The following OOSP3 variants were observed in gnomAD, a reference collection of about 807,000 sequenced individuals.
The protein encoded by OOSP3 is oocyte-secreted protein 3.
At chr11:59,886,429 ATG>A (rs1439419199) in intron 2 of OOSP3, among the ~76,000 whole-genome samples, 7 of 152,202 alleles carry the variant, frequency 4.6e-5, no homozygotes, top group Admixed American at 3.3e-4. Flanking sequence ...GTTTGATCAA[ATG>A]CATGTATCCT....
intron 4 of OOSP3, among the ~76,000 whole-genome samples, chr11:59,895,858 C>T (rs974735600): frequency 6.6e-6 from 1 of 152,152 alleles, no homozygotes; most frequent in African/African-American, 2.4e-5. Flanking sequence ...CTGGTCTTGT[C>T]AATAAGTCTC....
At chr11:59,895,890 A>T (rs1853352744) in intron 4 of OOSP3, among the ~76,000 whole-genome samples, 1 of 152,210 alleles carries the variant, frequency 6.6e-6, no homozygotes, top group Non-Finnish European at 1.5e-5. Context: ...GTTATGACAA[A>T]TAAAAGAAAA....
chr11:59,888,301 T>G (rs1272694516), intron 2 of OOSP3, among the ~76,000 whole-genome samples: 2 of 152,310 alleles, frequency 1.3e-5, no homozygotes, highest in East Asian at 3.9e-4. Context: ...TTTCTTTCTT[T>G]TGCCTGATTG....
At position 59,889,032 on chromosome 11, in the gene OOSP3, G is replaced by A. The variant is rs116624305; in HGVS notation, c.253-5047G>A. ...TCAACTTCCTGGTTCAGTCTTGGGA[G>A]AGTGTACGTGTCCTGGAGTTTATCC... On this transcript the variant is annotated intron_variant, in intron 2 of 4. Transcript: ENST00000646438. Among the ~76,000 whole-genome samples, 1,163 of 152,248 alleles carry A rather than the reference G, an allele frequency of 7.6e-3. 18 individuals are homozygous for A. Among genetic ancestry groups the A allele is most frequent in the African/African-American group, 0.026 (1,094 of 41,554 alleles).
At chr11:59,888,180 A>G (rs1371728458) in intron 2 of OOSP3, among the ~76,000 whole-genome samples, 1 of 152,186 alleles carries the variant, frequency 6.6e-6, no homozygotes. Context: ...GAAGTTGTTT[A>G]TCAGCTTAAG....
intron 1 of OOSP3, among the ~76,000 whole-genome samples, chr11:59,879,348 A>C (rs973932898): frequency 3.9e-5 from 6 of 152,168 alleles, no homozygotes; most frequent in African/African-American, 1.4e-4. Flanking sequence ...TCCCTAAGTC[A>C]TAAAGTTGTT....
intron 2 of OOSP3, among the ~76,000 whole-genome samples, chr11:59,891,526 T>C (rs962209944): frequency 3.3e-5 from 5 of 152,234 alleles, no homozygotes; most frequent in Admixed American, 2.6e-4. Context: ...AGAACCCGCT[T>C]CTGCAAGCCT....
intron 2 of OOSP3, among the ~76,000 whole-genome samples, chr11:59,884,752 C>A (rs1441418820): frequency 6.6e-6 from 1 of 152,194 alleles, no homozygotes; most frequent in Admixed American, 6.5e-5. Flanking sequence ...GATCTGCCCA[C>A]CTTGGCCTCC....
intron 2 of OOSP3, among the ~76,000 whole-genome samples, chr11:59,883,404 C>T (rs141542513): frequency 6.6e-6 from 1 of 152,272 alleles, no homozygotes; most frequent in Admixed American, 6.5e-5. Flanking sequence ...ATTTTTGCTT[C>T]AGCCCTAGTT....
At chr11:59,895,329 T>C (rs1433245199) in intron 3 of OOSP3, among the ~76,000 whole-genome samples, 173 bp from the exon 4 acceptor site, 4 of 151,068 alleles carry the variant, frequency 2.6e-5, no homozygotes, top group Non-Finnish European at 5.9e-5. Context: ...TGGAGGTTTG[T>C]TAATCCTTAA....
intron 2 of OOSP3, among the ~76,000 whole-genome samples, chr11:59,886,952 G>A (rs745553477): frequency 2.0e-5 from 3 of 151,792 alleles, no homozygotes; most frequent in Non-Finnish European, 4.4e-5. Flanking sequence ...CACCATGCCC[G>A]GCTAATTTTT....
intron 2 of OOSP3, among the ~76,000 whole-genome samples, chr11:59,886,791 C>CT (rs562190268): frequency 0.037 from 5,096 of 139,284 alleles, 144 homozygotes; most frequent in Non-Finnish European, 0.057. Flanking sequence ...CATTTGCCCA[C>CT]TTTTTTTTTT....
At chr11:59,881,254 G>T (rs1853198497) in intron 2 of OOSP3, among the ~76,000 whole-genome samples, 1 of 151,802 alleles carries the variant, frequency 6.6e-6, no homozygotes, top group East Asian at 1.9e-4. Flanking sequence ...AGTCCCAGCT[G>T]CTCAGGAGGC....
intron 2 of OOSP3, among the ~76,000 whole-genome samples, chr11:59,880,897 G>A (rs148295828): frequency 6.6e-4 from 100 of 152,306 alleles, no homozygotes; most frequent in African/African-American, 2.3e-3. Flanking sequence ...ACCAGAGGTA[G>A]AATTCACTAG....
At chr11:59,895,434 G>C in intron 3 of OOSP3, 68 bp from the exon 4 acceptor site, 2 of 396,856 alleles carry the variant, frequency 5.0e-6, no homozygotes, top group Non-Finnish European at 8.9e-6. Context: ...GACAAAAAGA[G>C]ACTTACTGGT....
chr11:59,895,705 G>A (rs1853350294), intron 4 of OOSP3, 53 bp downstream of exon 4: 6 of 397,830 alleles, frequency 1.5e-5, no homozygotes, highest in Non-Finnish European at 2.7e-5. Flanking sequence ...AGAAATGATC[G>A]TATTGACATA....
At chr11:59,894,223 A>G (rs1462975988) in intron 3 of OOSP3, 47 bp downstream of exon 3, 7 of 398,198 alleles carry the variant, frequency 1.8e-5, no homozygotes, top group Non-Finnish European at 2.7e-5. Context: ...TCTAAGAACT[A>G]ATGAAAAGGA....
intron 1 of OOSP3, among the ~76,000 whole-genome samples, chr11:59,879,643 A>G (rs991944319): frequency 2.0e-5 from 3 of 152,198 alleles, no homozygotes; most frequent in Non-Finnish European, 4.4e-5. Flanking sequence ...ATGCTGTTGT[A>G]ACACCACAGC....
chr11:59,892,525 T>C (rs1184687274), intron 2 of OOSP3, among the ~76,000 whole-genome samples: 2 of 152,178 alleles, frequency 1.3e-5, no homozygotes, highest in Non-Finnish European at 2.9e-5. Context: ...GAAGCACTGG[T>C]TCTAATTCTT....
Sources: gnomAD v4.1 joint callset for allele counts (sites outside exome capture counted in the v4.1 genomes callset) on GRCh38, gnomAD v4.1.1 for gene constraint, MANE v1.5 for transcripts, NCBI Gene and HGNC (gene_info 2026-07-23, HGNC 2026-07-21) for gene names.